Variants in VAV2 observed in about 807,000 individuals in gnomAD.
VAV2 encodes the protein guanine nucleotide exchange factor VAV2.
VAV2 carries 67 observed loss-of-function variants against 132.5 expected under a neutral mutation model. The observed-to-expected ratio is 0.51, with a 90% confidence interval of 0.42 to 0.62. The LOEUF is 0.62. VAV2 is among the 20% of genes least tolerant of loss of function. The probability of loss-of-function intolerance (pLI) is 0.00; values close to 1 mark genes in which losing one functional copy is unlikely to be tolerated. For synonymous variants in VAV2, 492 were observed against 443.5 expected (o/e 1.11, Z -1.37); for missense variants, 938 against 1,153.6 (o/e 0.81, Z 2.71).
intron 9 of VAV2, among the ~76,000 whole-genome samples, chr9:133,803,282 CCA>C (rs1742111904): frequency 6.6e-6 from 1 of 152,212 alleles, no homozygotes; most frequent in Non-Finnish European, 1.5e-5. Context: ...GTGCAAAGCT[CCA>C]CAGAGAGCTC....
intron 13 of VAV2, among the ~76,000 whole-genome samples, chr9:133,791,340 T>C (rs1407988461): frequency 1.3e-5 from 2 of 152,030 alleles, no homozygotes; most frequent in Non-Finnish European, 2.9e-5. Context: ...CCACCGAGCC[T>C]GGGCCCAAAC....
At chr9:133,954,512 G>A (rs1176927847) in intron 1 of VAV2, among the ~76,000 whole-genome samples, 3 of 152,278 alleles carry the variant, frequency 2.0e-5, no homozygotes, top group Non-Finnish European at 4.4e-5. Context: ...TGAAATCCAC[G>A]CACGCCTGAA....
Position 133,812,121 on chromosome 9 carries a change from T to C in VAV2, c.545A>G (p.Gln182Arg). 1 of 1,613,918 alleles carries C rather than the reference T, an allele frequency of 6.2e-7. No homozygotes were observed. Among genetic ancestry groups the C allele is most frequent in the Non-Finnish European group, 8.5e-7 (1 of 1,179,990 alleles). ...YEDIIKVEVQ[Q>R]PMIRYMQKMG... ...GAGCGGGGCAGGGCTCACCATGGGC[T>C]GCTGCACCTCCACCTTGATGATGTC... Residue 182 changes from glutamine (Q) to arginine (R), a missense_variant, in exon 5 of 30, where the codon CAG becomes CGG. Physicochemically the swap from Gln to Arg is conservative, Grantham distance 43 (BLOSUM62 1). Transcript: ENST00000371850.
rs1018421038 is a variant in VAV2, at chr9:133,794,321, A to G, written c.1101+1347T>C. Among the ~76,000 whole-genome samples the G allele has an allele frequency of 8.6e-5, 13 of 151,992 alleles. No homozygotes were observed. Among genetic ancestry groups the G allele is most frequent in the Non-Finnish European group, 1.8e-4 (12 of 67,988 alleles). ...TCATGGCAGGAGGCTTTCCTGGAGC[A>G]TTCCTCAGGGTGCTCGCTGCCCAGT... On this transcript the variant is annotated intron_variant, in intron 12 of 29. Transcript: ENST00000371850. This position sits in a 1 kb window ranked among gnomAD's most constrained non-coding sequence, Gnocchi z 4.6.
chr9:133,872,791 C>T (rs1189454414), intron 2 of VAV2, among the ~76,000 whole-genome samples: 1 of 151,260 alleles, frequency 6.6e-6, no homozygotes, highest in African/African-American at 2.4e-5. Flanking sequence ...AAGACAGAGT[C>T]TACCGCTCAA....
chr9:133,788,263 G>C lies in VAV2; in HGVS notation c.1407+91C>G, dbSNP rs1204917703. Reference sequence around the variant, plus strand: ...CCGGCCAGCATCAGCGGCTGACTTCGAGTCCCCTTCCCCTGGGGTCTGGAA... The same window carrying C: ...CCGGCCAGCATCAGCGGCTGACTTCCAGTCCCCTTCCCCTGGGGTCTGGAA... On this transcript the variant is annotated intron_variant, in intron 15 of 29. Coordinates refer to ENST00000371850, the MANE Select transcript of VAV2 (RefSeq NM_001134398.2). This position sits in a 1 kb window ranked among gnomAD's most constrained non-coding sequence, Gnocchi z 5.3. 13 of 1,169,388 alleles carry C rather than the reference G, an allele frequency of 1.1e-5. No individual in the cohort carries two copies. The highest frequency in any genetic ancestry group is 8.6e-5 in the South Asian group (6 of 70,082). 72.4% of individuals were successfully genotyped at this position (1,169,388 alleles called of 1,614,324 possible).
At chr9:133,871,405 G>C (rs895703537) in intron 2 of VAV2, among the ~76,000 whole-genome samples, 2 of 148,434 alleles carry the variant, frequency 1.3e-5, no homozygotes, top group Non-Finnish European at 1.5e-5. Flanking sequence ...TGGACGGACG[G>C]ATGGATGGAT....
chr9:133,931,375 T>G (rs1840681499), intron 2 of VAV2, among the ~76,000 whole-genome samples: 1 of 145,420 alleles, frequency 6.9e-6, no homozygotes, highest in South Asian at 2.3e-4. Flanking sequence ...GCTTTCCCTC[T>G]GACAACCAGA....
At chr9:133,891,844 G>GGGA (rs1838986352) in intron 2 of VAV2, among the ~76,000 whole-genome samples, 1 of 92,160 alleles carries the variant, frequency 1.1e-5, no homozygotes, top group Non-Finnish European at 2.3e-5. Flanking sequence ...AGGGATGGAA[G>GGGA]GGGATGGAGA....
intron 1 of VAV2, among the ~76,000 whole-genome samples, chr9:133,952,511 G>A (rs1023991335): frequency 6.6e-5 from 10 of 151,966 alleles, no homozygotes; most frequent in Admixed American, 5.2e-4. Context: ...GCTGAGGCAG[G>A]AGAATTACTT....
chr9:133,785,223 C>T (rs2131602827), intron 17 of VAV2, among the ~76,000 whole-genome samples: 1 of 152,344 alleles, frequency 6.6e-6, no homozygotes, highest in South Asian at 2.1e-4. Context: ...CTGCAGGCCC[C>T]AGCTCACCTG....
At chr9:133,964,116 T>C (rs1353198812) in intron 1 of VAV2, among the ~76,000 whole-genome samples, 1 of 144,338 alleles carries the variant, frequency 6.9e-6, no homozygotes, top group East Asian at 2.1e-4. Context: ...TCCCAGCACT[T>C]TGGGAGTCCA....
intron 5 of VAV2, among the ~76,000 whole-genome samples, chr9:133,811,393 T>C (rs1295816339): frequency 6.6e-6 from 1 of 152,182 alleles, no homozygotes; most frequent in Non-Finnish European, 1.5e-5. Flanking sequence ...TCTGAGAAAT[T>C]TCCTATTTCT....
intron 1 of VAV2, among the ~76,000 whole-genome samples, chr9:133,960,970 C>T (rs567369356): frequency 2.0e-5 from 3 of 152,168 alleles, no homozygotes; most frequent in African/African-American, 2.4e-5. Flanking sequence ...GGCAGGAGGG[C>T]GTGCTTGGAG....
rs1228441421 is a variant in VAV2 at position 133,926,630 on chromosome 9, C to T, written c.321+12473G>A. On this transcript the variant is annotated intron_variant, in intron 2 of 29. Transcript: ENST00000371850. This position sits in a 1 kb window ranked among gnomAD's most constrained non-coding sequence, Gnocchi z 4.3. ...TTGCACATGCTGCCCCTGAGACCTC[C>T]CATACCACCACCTTCACCTGGTGAA... 6.6e-6 allele frequency among the ~76,000 whole-genome samples: 1 copy of T among 152,178 alleles called. No individual in the cohort carries two copies. Among genetic ancestry groups the T allele is most frequent in the African/African-American group, 2.4e-5 (1 of 41,446 alleles).
chr9:133,908,161 G>T (rs1839743605), intron 2 of VAV2, among the ~76,000 whole-genome samples: 1 of 151,578 alleles, frequency 6.6e-6, no homozygotes, highest in African/African-American at 2.4e-5. Context: ...AGTGGAACTG[G>T]GTGGAGGCTA....
intron 2 of VAV2, among the ~76,000 whole-genome samples, chr9:133,894,854 CTAGGCAGGGTCCAGAGCTGAGCACT>C (rs1229050028): frequency 1.6e-4 from 25 of 152,174 alleles, no homozygotes; most frequent in Admixed American, 4.6e-4. Flanking sequence ...CGCTATGACC[CTAGGCAGGGTCCAGAGCTGAGCACT>C]CTGCTAGCCC....
At chr9:133,922,024 G>A (rs1840314360) in intron 2 of VAV2, among the ~76,000 whole-genome samples, 1 of 152,254 alleles carries the variant, frequency 6.6e-6, no homozygotes, top group African/African-American at 2.4e-5. Flanking sequence ...TTTGGCTGGT[G>A]CAGACGCCAT....
intron 2 of VAV2, among the ~76,000 whole-genome samples, chr9:133,874,500 T>C (rs1838185446): frequency 6.6e-6 from 1 of 152,152 alleles, no homozygotes; most frequent in African/African-American, 2.4e-5. Context: ...CCGGAGACCA[T>C]GACACAGATC....
Sources: gnomAD v4.1 joint callset for allele counts (sites outside exome capture counted in the v4.1 genomes callset) on GRCh38, gnomAD v4.1.1 for gene constraint, Gnocchi (gnomAD v3.1) non-coding constraint, MANE v1.5 for transcripts, NCBI Gene and HGNC (gene_info 2026-07-23, HGNC 2026-07-21) for gene names.